The following NDE1 variants were observed in gnomAD, a reference collection of about 807,000 sequenced individuals.
NDE1 encodes nudE neurodevelopment protein 1, also known as nuclear distribution protein nudE homolog 1.
A neutral mutation model predicts 43.4 loss-of-function variants in NDE1; 28 were observed. The observed-to-expected ratio is 0.65, with a 90% confidence interval of 0.48 to 0.89. The LOEUF is 0.89. NDE1 is among the 40% of genes least tolerant of loss of function. The pLI, the probability that NDE1 is intolerant of heterozygous loss-of-function variation, is 0.00. For synonymous variants in NDE1, 184 were observed against 172.0 expected (o/e 1.07, Z -0.55); for missense variants, 441 against 434.1 (o/e 1.02, Z -0.14).
rs1444596956 is a variant in NDE1 at position 15,689,429 on chromosome 16, TTA to T, written c.524-1714_524-1713del. 3.3e-5 allele frequency among the ~76,000 whole-genome samples: 5 copies of T among 152,180 alleles called. No individual in the cohort carries two copies. The East Asian group carries it at 9.7e-4, about 29-fold the overall frequency. On this transcript the variant is annotated intron_variant, in intron 5 of 8. Coordinates refer to ENST00000396354, the MANE Select transcript of NDE1 (RefSeq NM_017668.3). ...ATGACTTGAGCCCAGGAGTTCAAGG[TTA>T]CATTGAGCTATGATTGTGCCACCGC...
chr16:15,661,341 T>C (rs2151425340), intron 1 of NDE1, among the ~76,000 whole-genome samples: 1 of 152,142 alleles, frequency 6.6e-6, no homozygotes, highest in South Asian at 2.1e-4. Context: ...ATAGAGACAG[T>C]GTTTCACCAT....
chr16:15,691,281 G>C lies in NDE1; in HGVS notation c.661G>C (p.Gly221Arg). 6.2e-7 allele frequency: 1 copy of C among 1,614,128 alleles called. No homozygotes were observed. Among genetic ancestry groups the C allele is most frequent in the Non-Finnish European group, 8.5e-7 (1 of 1,180,014 alleles). Residue 221 changes from glycine (G) to arginine (R), a missense_variant, in exon 6 of 9, where the codon GGA becomes CGA. Physicochemically the swap from Gly to Arg is moderately radical, Grantham distance 125. Transcript: ENST00000396354. The part of the protein sequence containing the change: ...SVPSTPIAHR[G>R]PSSSLNTPGS... ...GCCGTCCACGCCCATTGCTCACCGA[G>C]GACCCAGCTCAAGTTTAAACACACC...
chr16:15,672,673 G>C (rs1424224230), intron 3 of NDE1: 1 of 152,240 alleles, frequency 6.6e-6, no homozygotes. Flanking sequence ...TTCAGCAACA[G>C]GTTTTCATGT....
At chr16:15,714,886 C>T (rs1596695424) in intron 8 of NDE1, 1 of 1,612,600 alleles carries the variant, frequency 6.2e-7, no homozygotes, top group East Asian at 2.2e-5. Flanking sequence ...AGACGGGGTC[C>T]TCCCGGGCCA....
intron 3 of NDE1, among the ~76,000 whole-genome samples, chr16:15,671,782 C>G (rs1388920297): frequency 1.3e-5 from 2 of 152,050 alleles, no homozygotes; most frequent in African/African-American, 4.8e-5. Flanking sequence ...CCTCTGACTT[C>G]CAGGCTTAAG....
At chr16:15,714,927 G>A in intron 8 of NDE1, 1 of 1,614,024 alleles carries the variant, frequency 6.2e-7, no homozygotes, top group South Asian at 1.1e-5. Flanking sequence ...GCTCTTGAGT[G>A]CGTTCACCTC....
intron 8 of NDE1, among the ~76,000 whole-genome samples, chr16:15,723,775 T>C (rs566606658): frequency 1.3e-5 from 2 of 152,332 alleles, no homozygotes; most frequent in Admixed American, 1.3e-4. Context: ...AATGAAATCT[T>C]AGGGAAGAGT....
intron 2 of NDE1, among the ~76,000 whole-genome samples, chr16:15,665,467 CAG>C (rs1408102423): frequency 3.3e-5 from 5 of 151,148 alleles, no homozygotes; most frequent in Non-Finnish European, 7.4e-5. Flanking sequence ...TTTTTTGAGA[CAG>C]AGTCTCACTC....
chr16:15,678,392 G>A (rs1042166715), intron 4 of NDE1, among the ~76,000 whole-genome samples: 2 of 152,034 alleles, frequency 1.3e-5, no homozygotes, highest in Non-Finnish European at 2.9e-5. Flanking sequence ...TTTGGAGACG[G>A]AGAGTCTCTG....
intron 1 of NDE1, among the ~76,000 whole-genome samples, chr16:15,661,162 T>C (rs1175395792): frequency 6.6e-6 from 1 of 151,622 alleles, no homozygotes; most frequent in Admixed American, 6.6e-5. Flanking sequence ...ACTTGTTTTT[T>C]TTTTTTTTTT....
chr16:15,712,393 T>C (rs1002931682), intron 8 of NDE1, among the ~76,000 whole-genome samples: 2 of 152,108 alleles, frequency 1.3e-5, no homozygotes, highest in African/African-American at 2.4e-5. Flanking sequence ...TCCATGCCTG[T>C]AATCCCAGCA....
chr16:15,676,993 G>T (rs937570277), intron 3 of NDE1, among the ~76,000 whole-genome samples: 2 of 152,146 alleles, frequency 1.3e-5, no homozygotes, highest in African/African-American at 4.8e-5. Flanking sequence ...TGGGTAGAAT[G>T]ATTTGTCTGA....
intron 3 of NDE1, 133 bp from the exon 4 acceptor site, chr16:15,677,668 C>CT (rs1342237814): frequency 1.1e-6 from 1 of 897,276 alleles, no homozygotes; most frequent in East Asian, 2.6e-5. Flanking sequence ...ACTGCAGCCT[C>CT]TAACTCCTGG....
chr16:15,700,425 G>C (rs2039183967), intron 8 of NDE1: 1 of 150,578 alleles, frequency 6.6e-6, no homozygotes, highest in Non-Finnish European at 1.5e-5. Flanking sequence ...AACCCAAGCG[G>C]AGGTCCTGAT....
At chr16:15,698,029 C>T (rs896739736) in intron 8 of NDE1, among the ~76,000 whole-genome samples, 2 of 152,084 alleles carry the variant, frequency 1.3e-5, no homozygotes, top group East Asian at 1.9e-4. Flanking sequence ...GTCTTGATCT[C>T]GTGACATTGT....
intron 1 of NDE1, among the ~76,000 whole-genome samples, chr16:15,657,261 C>T (rs1366096111): frequency 1.3e-5 from 2 of 151,934 alleles, no homozygotes; most frequent in Admixed American, 6.6e-5. Flanking sequence ...CCACACCTGG[C>T]TAATTTCTTG....
intron 6 of NDE1, among the ~76,000 whole-genome samples, chr16:15,692,396 TC>T (rs2038798808): frequency 6.6e-6 from 1 of 152,180 alleles, no homozygotes. Context: ...CTTCTAGAAT[TC>T]CGGTGCAGAG....
chr16:15,704,087 C>T lies in NDE1; in HGVS notation c.947+7227C>T, dbSNP rs764375446. 27 of 1,614,022 alleles carry T rather than the reference C, an allele frequency of 1.7e-5. No individual in the cohort carries two copies. Among genetic ancestry groups the T allele is most frequent in the Non-Finnish European group, 1.9e-5 (22 of 1,180,046 alleles). On this transcript the variant is annotated intron_variant, in intron 8 of 8. Transcript: ENST00000396354. Reference sequence around the variant, plus strand: ...TTTCAATAACTCTACGTCCTCCAGACCTTCTAGAAGGAACGAAAGAGGTCT... The same window carrying T: ...TTTCAATAACTCTACGTCCTCCAGATCTTCTAGAAGGAACGAAAGAGGTCT...
chr16:15,720,875 C>T, intron 8 of NDE1: 2 of 1,614,002 alleles, frequency 1.2e-6, no homozygotes, highest in Non-Finnish European at 1.7e-6. Flanking sequence ...CCTCATTCTG[C>T]TCGTCCCGGG....
Sources: allele counts gnomAD v4.1 joint callset (sites outside exome capture counted in the v4.1 genomes callset), GRCh38; gene constraint gnomAD v4.1.1; transcripts MANE v1.5; gene names NCBI Gene and HGNC (gene_info 2026-07-23, HGNC 2026-07-21).